The following RHOJ variants were observed in gnomAD, a reference collection of about 807,000 sequenced individuals.
RHOJ encodes the protein rho-related GTP-binding protein RhoJ.
In RHOJ, 11 loss-of-function variants were observed where a neutral mutation model predicts 23.4. That is an observed-to-expected ratio of 0.47 (90% confidence interval 0.30 to 0.78). RHOJ has a LOEUF of 0.78. Ranked by LOEUF, RHOJ falls within the 30% of genes least tolerant of loss-of-function variation. The probability of loss-of-function intolerance (pLI) is 0.08; values close to 1 mark genes in which losing one functional copy is unlikely to be tolerated. For synonymous variants in RHOJ, 102 were observed against 102.7 expected (o/e 0.99, Z 0.04); for missense variants, 254 against 273.4 (o/e 0.93, Z 0.50).
rs376103297 is a variant in RHOJ, at chr14:63,281,149, C to T, written c.402+14C>T. On this transcript the variant is annotated intron_variant, in intron 3 of 4. Transcript: ENST00000316754. Reference sequence around the variant, plus strand: ...ATAGGGACCCAGGTTAAAATGTGGGCGATGGCAGGGTGGAGCGGGCTGCAA... The same window carrying T: ...ATAGGGACCCAGGTTAAAATGTGGGTGATGGCAGGGTGGAGCGGGCTGCAA... 2.6e-5 allele frequency: 42 copies of T among 1,594,716 alleles called. No individual in the cohort carries two copies. Among genetic ancestry groups the T allele is most frequent in the Admixed American group, 1.9e-4 (11 of 56,802 alleles).
intron 1 of RHOJ, among the ~76,000 whole-genome samples, chr14:63,215,751 A>G (rs975808079): frequency 6.6e-6 from 1 of 152,074 alleles, no homozygotes; most frequent in African/African-American, 2.4e-5. Flanking sequence ...CTTCTCTGTC[A>G]TTATAATTTT....
chr14:63,251,774 C>G (rs974633904), intron 1 of RHOJ, among the ~76,000 whole-genome samples: 1 of 152,196 alleles, frequency 6.6e-6, no homozygotes, highest in African/African-American at 2.4e-5. Flanking sequence ...TATTCATTTT[C>G]TACTGCTTCT....
intron 1 of RHOJ, among the ~76,000 whole-genome samples, chr14:63,267,535 T>G (rs1895389838): frequency 6.6e-6 from 1 of 152,224 alleles, no homozygotes; most frequent in Admixed American, 6.5e-5. Flanking sequence ...ATGTCTCCCT[T>G]CATGCCTAAT....
chr14:63,205,320 A>ACTCAAGATTTGC (rs1894085979), intron 1 of RHOJ, among the ~76,000 whole-genome samples: 1 of 152,216 alleles, frequency 6.6e-6, no homozygotes, highest in African/African-American at 2.4e-5. Context: ...CAGAGCTTTT[A>ACTCAAGATTTGC]CTCAACATTT....
intron 1 of RHOJ, among the ~76,000 whole-genome samples, chr14:63,226,536 A>G (rs1173073138): frequency 1.3e-5 from 2 of 150,850 alleles, no homozygotes. Context: ...AATTATATAT[A>G]AAACAATATA....
intron 1 of RHOJ, among the ~76,000 whole-genome samples, chr14:63,256,181 T>G (rs1164698847): frequency 6.6e-6 from 1 of 152,190 alleles, no homozygotes; most frequent in Non-Finnish European, 1.5e-5. Context: ...TGAGCTACCA[T>G]GCCTGGCCAC....
rs540075212 is a variant in RHOJ at position 63,222,978 on chromosome 14, T to C, written c.178+17931T>C. On this transcript the variant is annotated intron_variant, in intron 1 of 4. Coordinates refer to ENST00000316754, the MANE Select transcript of RHOJ (RefSeq NM_020663.5). The stretch of plus-strand genomic sequence containing the variant: ...GTGTTTCTGGAGAACACAAAGGAGC[T>C]AGGGAAGGAAGGACACAGCTCCTCC... Among the ~76,000 whole-genome samples the C allele has an allele frequency of 1.4e-4, 21 of 152,260 alleles. No individual in the cohort carries two copies. In the East Asian group the frequency reaches 1.7e-3, roughly 13 times the overall value.
At chr14:63,250,719 T>A (rs1324786641) in intron 1 of RHOJ, among the ~76,000 whole-genome samples, 1 of 152,164 alleles carries the variant, frequency 6.6e-6, no homozygotes, top group Non-Finnish European at 1.5e-5. Flanking sequence ...AAAGGGGTTG[T>A]CCCTGACCCC....
At chr14:63,256,214 C>T (rs1250778463) in intron 1 of RHOJ, among the ~76,000 whole-genome samples, 1 of 152,174 alleles carries the variant, frequency 6.6e-6, no homozygotes, top group Non-Finnish European at 1.5e-5. Context: ...TATTCCTCAA[C>T]CACATGCTTC....
chr14:63,265,443 A>C (rs905146584), intron 1 of RHOJ, among the ~76,000 whole-genome samples: 1 of 152,224 alleles, frequency 6.6e-6, no homozygotes, highest in African/African-American at 2.4e-5. Context: ...TATAGTTTGA[A>C]GTAGGGTAAT....
chr14:63,281,124 A>T lies in RHOJ; in HGVS notation c.391A>T (p.Ile131Leu). Reference protein sequence around the residue: ...DCMPHVPYVLIGTQIDLRDDP... With the variant: ...DCMPHVPYVLLGTQIDLRDDP... ...CATGCCTCACGTGCCTTATGTCCTC[A>T]TAGGGACCCAGGTTAAAATGTGGGC... Residue 131 changes from isoleucine to leucine, a missense_variant, in exon 3 of 5, where the codon ATA becomes TTA. Physicochemically the swap from Ile to Leu is conservative, Grantham distance 5 (BLOSUM62 2). Coordinates refer to ENST00000316754, the MANE Select transcript of RHOJ (RefSeq NM_020663.5). 6.2e-7 allele frequency: 1 copy of T among 1,609,950 alleles called. No individual in the cohort carries two copies. The highest frequency in any genetic ancestry group is 1.3e-5 in the African/African-American group (1 of 74,828).
In RHOJ at chr14:63,292,307, T is replaced by A. The variant is rs1367249304; in HGVS notation, c.*1283T>A. ...CATTTGTCCCCTGCCCTCCACAATG[T>A]GTGACATAGAACAGGGACTTTGGCC... On this transcript the variant is annotated 3_prime_UTR_variant, in exon 5 of 5. Transcript: ENST00000316754. The A allele has an allele frequency of 6.6e-6, 1 of 152,180 alleles. No homozygotes were observed. Among genetic ancestry groups the A allele is most frequent in the Admixed American group, 6.5e-5 (1 of 15,268 alleles). 9.4% of individuals were successfully genotyped at this position (152,180 alleles called of 1,614,324 possible).
chr14:63,270,810 T>C (rs1490098775), intron 2 of RHOJ, among the ~76,000 whole-genome samples: 1 of 152,236 alleles, frequency 6.6e-6, no homozygotes, highest in Non-Finnish European at 1.5e-5. Flanking sequence ...CTCTGGTCCC[T>C]CTGGCTTCCG....
Position 63,291,877 on chromosome 14 carries a change from T to C in RHOJ, c.*853T>C, listed in dbSNP as rs1308411820. 2 of 152,632 alleles carry C rather than the reference T, an allele frequency of 1.3e-5. No individual in the cohort carries two copies. The highest frequency in any genetic ancestry group is 2.9e-5 in the Non-Finnish European group (2 of 68,080). 9.5% of individuals were successfully genotyped at this position (152,632 alleles called of 1,614,324 possible). On this transcript the variant is annotated 3_prime_UTR_variant, in exon 5 of 5. Coordinates refer to ENST00000316754, the MANE Select transcript of RHOJ (RefSeq NM_020663.5). ...TATTTCTGTTTTTCATCCAAGTTGA[T>C]TGGGGGAAGAATATGGCAGGATCCA...
At chr14:63,251,330 T>C (rs1895067353) in intron 1 of RHOJ, among the ~76,000 whole-genome samples, 1 of 152,196 alleles carries the variant, frequency 6.6e-6, no homozygotes, top group Admixed American at 6.5e-5. Context: ...TTCCTTAAAC[T>C]GAAGGACATT....
At chr14:63,252,004 C>T (rs1181433126) in intron 1 of RHOJ, among the ~76,000 whole-genome samples, 1 of 152,022 alleles carries the variant, frequency 6.6e-6, no homozygotes. Flanking sequence ...GAGAATCACC[C>T]GAACCCAGGA....
intron 2 of RHOJ, among the ~76,000 whole-genome samples, chr14:63,275,448 G>A (rs1337542716): frequency 6.6e-6 from 1 of 151,970 alleles, no homozygotes; most frequent in African/African-American, 2.4e-5. Flanking sequence ...TAATATTTAG[G>A]GCCCAGGTGT....
chr14:63,279,908 G>T (rs944399781), intron 2 of RHOJ, among the ~76,000 whole-genome samples: 2 of 152,086 alleles, frequency 1.3e-5, no homozygotes, highest in South Asian at 4.1e-4. Flanking sequence ...TTGGCAAATA[G>T]CTCACTAATT....
intron 1 of RHOJ, among the ~76,000 whole-genome samples, chr14:63,221,998 G>A (rs1353148830): frequency 6.0e-5 from 7 of 115,804 alleles, no homozygotes; most frequent in African/African-American, 1.0e-4. Flanking sequence ...AACAGGCCCC[G>A]GTGTGTGATG....
Sources: gnomAD v4.1 joint callset for allele counts (sites outside exome capture counted in the v4.1 genomes callset) on GRCh38, gnomAD v4.1.1 for gene constraint, MANE v1.5 for transcripts, NCBI Gene and HGNC (gene_info 2026-07-23, HGNC 2026-07-21) for gene names.